The following SLC14A2 variants were observed in gnomAD, a reference collection of about 807,000 sequenced individuals.
SLC14A2 encodes urea transporter 2.
Under a neutral mutation model 104.6 loss-of-function variants are expected in SLC14A2, and 91 were observed. The observed-to-expected ratio is 0.87, with a 90% CI of 0.73 to 1.04. The LOEUF (loss-of-function observed/expected upper bound fraction) is 1.04. Ranked by LOEUF, SLC14A2 falls within the 50% of genes least tolerant of loss-of-function variation. The pLI is 0.00. For synonymous variants in SLC14A2, 476 were observed against 466.4 expected (o/e 1.02, Z -0.27); for missense variants, 1,189 against 1,156.0 (o/e 1.03, Z -0.41).
chr18:45,641,166 TG>T, intron 7 of SLC14A2, 42 bp from the exon 8 acceptor site: 1 of 1,605,208 alleles, frequency 6.2e-7, no homozygotes, highest in Non-Finnish European at 8.5e-7. Context: ...GTCTTTGTTC[TG>T]TGGCCCAGAA....
intron 2 of SLC14A2, among the ~76,000 whole-genome samples, chr18:45,546,135 T>G (rs1017822849): frequency 6.6e-6 from 1 of 152,220 alleles, no homozygotes; most frequent in African/African-American, 2.4e-5. Context: ...GATGCCTGTG[T>G]TAGATACATG....
chr18:45,255,896 A>G (rs2084472726), intron 1 of SLC14A2, among the ~76,000 whole-genome samples: 1 of 152,200 alleles, frequency 6.6e-6, no homozygotes, highest in African/African-American at 2.4e-5. Context: ...AGAAACCTCC[A>G]GGCAGAGGGA....
In SLC14A2 at chr18:45,235,832, CGTGTATATATATATGTATATAT is replaced by C. The variant is rs1568113527; in HGVS notation, c.-125+22642_-125+22663del. On this transcript the variant is annotated intron_variant, in intron 1 of 20. Coordinates refer to the SLC14A2 transcript ENST00000586448. ...GTGTGTGTATATATATATATATATA[CGTGTATATATATATGTATATAT>C]ACATATATGTGTGTATATATGTATA... 7.1e-3 allele frequency among the ~76,000 whole-genome samples: 509 copies of C among 71,424 alleles called. 3 individuals are homozygous for C. Among genetic ancestry groups the C allele is most frequent in the Admixed American group, 7.5e-3 (51 of 6,792 alleles). The allele number at this position is 71,424 out of a possible 152,430, so 46.9% of individuals were successfully genotyped here.
At chr18:45,177,645 C>T in the SLC14A2 span, among the ~76,000 whole-genome samples, 2 of 152,170 alleles carry the variant, frequency 1.3e-5, no homozygotes, top group Non-Finnish European at 2.9e-5. Context: ...CTTCCTTGAT[C>T]ACTTCCAATA....
chr18:45,388,060 A>G (rs910501957), intron 1 of SLC14A2, among the ~76,000 whole-genome samples: 5 of 127,832 alleles, frequency 3.9e-5, no homozygotes, highest in African/African-American at 1.5e-4. Context: ...CACCTTGCTC[A>G]TATCTTTTTT....
the SLC14A2 span, among the ~76,000 whole-genome samples, chr18:45,196,783 G>C: frequency 6.6e-6 from 1 of 152,192 alleles, no homozygotes; most frequent in Non-Finnish European, 1.5e-5. Context: ...TTCTCAAACT[G>C]TGTTTCATAC....
intron 1 of SLC14A2, among the ~76,000 whole-genome samples, chr18:45,449,270 C>T (rs1329991520): frequency 6.6e-6 from 1 of 152,168 alleles, no homozygotes; most frequent in Non-Finnish European, 1.5e-5. Flanking sequence ...TAGATTGAGA[C>T]TTTCCAAAGG....
intron 10 of SLC14A2, among the ~76,000 whole-genome samples, chr18:45,659,446 A>C (rs765989461): frequency 3.3e-5 from 5 of 152,238 alleles, no homozygotes; most frequent in Non-Finnish European, 7.3e-5. Flanking sequence ...GACTTATGTA[A>C]TATCTTAGGA....
rs995656 is a variant in SLC14A2 at position 45,535,933 on chromosome 18, C to T, written c.-35+52611C>T. The stretch of plus-strand genomic sequence containing the variant: ...TAAGGACATTTAATCAAAGGAACAA[C>T]ATGGCAATGAATGAGCAAGTAAAGA... On this transcript the variant is annotated intron_variant, in intron 2 of 20. Coordinates refer to the SLC14A2 transcript ENST00000586448. Among the ~76,000 whole-genome samples, 952 of 152,264 alleles carry T rather than the reference C, an allele frequency of 6.3e-3. 7 individuals are homozygous for T. Among genetic ancestry groups the T allele is most frequent in the Non-Finnish European group, 9.9e-3 (675 of 68,018 alleles).
At chr18:45,380,941 T>G (rs933059093) in intron 1 of SLC14A2, among the ~76,000 whole-genome samples, 9 of 152,216 alleles carry the variant, frequency 5.9e-5, no homozygotes, top group African/African-American at 2.2e-4. Flanking sequence ...ATGAAATGCT[T>G]TGTCAACTCT....
At chr18:45,412,993 T>A (rs1199840731) in intron 1 of SLC14A2, among the ~76,000 whole-genome samples, 1 of 152,176 alleles carries the variant, frequency 6.6e-6, no homozygotes, top group African/African-American at 2.4e-5. Flanking sequence ...AAGAATCTGG[T>A]TTCTTGAAAT....
intron 1 of SLC14A2, among the ~76,000 whole-genome samples, chr18:45,407,512 C>A (rs1213748463): frequency 6.6e-6 from 1 of 152,186 alleles, no homozygotes; most frequent in Non-Finnish European, 1.5e-5. Flanking sequence ...GGAGTAGCAT[C>A]TTTAATGTCC....
intron 1 of SLC14A2, among the ~76,000 whole-genome samples, chr18:45,394,709 T>TTTG (rs201147337): frequency 3.4e-4 from 51 of 152,114 alleles, no homozygotes; most frequent in Non-Finnish European, 5.1e-4. Flanking sequence ...ATTTGGGTTT[T>TTTG]TTGTTGTTGT....
intron 2 of SLC14A2, among the ~76,000 whole-genome samples, chr18:45,594,086 G>A (rs572266335): frequency 6.6e-6 from 1 of 152,282 alleles, no homozygotes; most frequent in South Asian, 2.1e-4. Flanking sequence ...TTTGAATGAG[G>A]AGAGGACCTT....
intron 18 of SLC14A2, among the ~76,000 whole-genome samples, chr18:45,676,639 C>T (rs539010022): frequency 1.8e-4 from 27 of 152,104 alleles, no homozygotes; most frequent in South Asian, 4.1e-4. Flanking sequence ...AATCCAGAGA[C>T]GCTGTTAAAC....
At position 45,236,009 on chromosome 18, in the gene SLC14A2, GTATATA is replaced by G. The variant is rs1190727310; in HGVS notation, c.-125+22820_-125+22825del. ...TATGTGTATATATACATATATGTGT[GTATATA>G]TGTGTATATATACATATATGTGTGT... On this transcript the variant is annotated intron_variant, in intron 1 of 20. Transcript: ENST00000586448. Among the ~76,000 whole-genome samples the G allele has an allele frequency of 9.1e-5, 5 of 54,676 alleles. 1 individual carries two copies. The highest frequency in any genetic ancestry group is 6.5e-4 in the African/African-American group (5 of 7,638). 35.9% of individuals were successfully genotyped at this position (54,676 alleles called of 152,430 possible).
rs990452696 is a variant in SLC14A2 at position 45,648,930 on chromosome 18, A to G, written c.1351+4770A>G. Among the ~76,000 whole-genome samples the G allele has an allele frequency of 3.3e-5, 5 of 152,248 alleles. 1 individual carries two copies. The highest frequency in any genetic ancestry group is 6.5e-5 in the Admixed American group (1 of 15,288). On this transcript the variant is annotated intron_variant, in intron 10 of 19. Coordinates refer to ENST00000255226, the MANE Select transcript of SLC14A2 (RefSeq NM_007163.4). ...TACTGCTCCTTTCCCAACACTCATA[A>G]TCAAAAGCATATTCGTCTCTCACGA...
At chr18:45,461,499 A>G (rs1169540964) in intron 1 of SLC14A2, among the ~76,000 whole-genome samples, 2 of 152,220 alleles carry the variant, frequency 1.3e-5, no homozygotes, top group African/African-American at 4.8e-5. Flanking sequence ...ATTTTATGGA[A>G]CAAAGCTCTG....
At chr18:45,269,599 A>G (rs78012883) in intron 1 of SLC14A2, among the ~76,000 whole-genome samples, 4,605 of 152,284 alleles carry the variant, frequency 0.03, 93 homozygotes, top group Non-Finnish European at 0.047. Context: ...CCTGCAGTCC[A>G]GACTTTTTAC....
Sources: gnomAD v4.1 joint callset for allele counts (sites outside exome capture counted in the v4.1 genomes callset) on GRCh38, gnomAD v4.1.1 for gene constraint, MANE v1.5 for transcripts, NCBI Gene and HGNC (gene_info 2026-07-23, HGNC 2026-07-21) for gene names.